The following INTS11 variants were observed in gnomAD, a reference collection of about 807,000 sequenced individuals.
INTS11 encodes the protein CPSF3-like protein.
INTS11 carries 77 observed loss-of-function variants against 78.6 expected under a neutral mutation model. The ratio of observed to expected loss-of-function variants is 0.98; its 90% CI spans 0.81 to 1.18. INTS11 has a LOEUF of 1.18. Ranked by LOEUF, INTS11 falls within the 50% of genes most tolerant of loss-of-function variation. The pLI is 0.00. For synonymous variants in INTS11, 441 were observed against 326.9 expected (o/e 1.35, Z -3.77); for missense variants, 875 against 825.9 (o/e 1.06, Z -0.73).
At chr1:1,322,767 C>G in intron 1 of INTS11, 1 of 498,124 alleles carries the variant, frequency 2.0e-6, no homozygotes, top group Non-Finnish European at 2.6e-6. Flanking sequence ...GGGGTAGCCA[C>G]ACACAGGCCA....
chr1:1,314,725 C>G lies in INTS11; in HGVS notation c.702+99G>C, dbSNP rs994838669. 1.5e-6 allele frequency: 2 copies of G among 1,379,250 alleles called. No homozygotes were observed. The highest frequency in any genetic ancestry group is 2.0e-6 in the Non-Finnish European group (2 of 1,000,008). The allele number at this position is 1,379,250 out of a possible 1,614,324, so 85.4% of individuals were successfully genotyped here. ...CCCTGCCTGAAAATGCAGTACCCCC[C>G]ACCCTGAGACCCTGACCCATGCCAA... On this transcript the variant is annotated intron_variant, in intron 7 of 16. Coordinates refer to ENST00000435064, the MANE Select transcript of INTS11 (RefSeq NM_017871.6). The surrounding 1 kb of genome is among the most constrained non-coding windows in gnomAD (Gnocchi z 4.2).
chr1:1,321,496 A>C (rs1405992390), intron 1 of INTS11, among the ~76,000 whole-genome samples: 2 of 152,312 alleles, frequency 1.3e-5, no homozygotes, highest in East Asian at 3.9e-4. Context: ...CAAACCAATG[A>C]GGCCACCTTC....
chr1:1,323,257 A>T, intron 1 of INTS11: 1 of 1,550,312 alleles, frequency 6.5e-7, no homozygotes, highest in Non-Finnish European at 8.7e-7. Context: ...CGGTGGAAGG[A>T]CCAGGTTCCA....
In INTS11 at chr1:1,312,213, G is replaced by GGGGGGGGGCCGGCCCCC; in HGVS notation, c.1607+12_1607+13insGGGGGCCGGCCCCCCCC. 1.1e-6 allele frequency: 1 copy of GGGGGGGGGCCGGCCCCC among 934,630 alleles called. No individual in the cohort carries two copies. The highest frequency in any genetic ancestry group is 1.6e-6 in the Non-Finnish European group (1 of 636,678). The allele number at this position is 934,630 out of a possible 1,614,324, so 57.9% of individuals were successfully genotyped here. A position where few individuals can be genotyped will look rare whatever the true frequency, so the allele number is the denominator to read the frequency against. On this transcript the variant is annotated intron_variant, in intron 15 of 16. Transcript: ENST00000435064. ...CCCAAGGGAGTGGGGGGGGGGCGGG[G>GGGGGGGGGCCGGCCCCC]CCGGGCGCCCACCTCTTGAGGTGGC...
Position 1,313,715 on chromosome 1 carries a change from C to G in INTS11, c.957+17G>C. The G allele has an allele frequency of 6.2e-7, 1 of 1,610,700 alleles. No individual in the cohort carries two copies. Among genetic ancestry groups the G allele is most frequent in the Non-Finnish European group, 8.5e-7 (1 of 1,178,110 alleles). ...GACGGGTGTGGATGTGCTGGCCGGCCCTGCCGCGGGCCTCACCATCGGTCC... is the reference window on the plus strand; with the variant it reads ...GACGGGTGTGGATGTGCTGGCCGGCGCTGCCGCGGGCCTCACCATCGGTCC... On this transcript the variant is annotated intron_variant, in intron 9 of 16. Transcript: ENST00000435064.
At chr1:1,322,895 G>T in intron 1 of INTS11, 1 of 1,257,012 alleles carries the variant, frequency 8.0e-7, no homozygotes, top group Non-Finnish European at 1.0e-6. Context: ...ATGATACCTT[G>T]GCTGAGGTGA....
At chr1:1,313,275 G>T in intron 10 of INTS11, 151 bp from the exon 11 acceptor site, 1 of 987,070 alleles carries the variant, frequency 1.0e-6, no homozygotes, top group Non-Finnish European at 1.5e-6. Flanking sequence ...AAGGGCTCAG[G>T]TTTTGGCACA....
At chr1:1,322,590 G>T (rs1479889408) in intron 1 of INTS11, among the ~76,000 whole-genome samples, 1 of 110,400 alleles carries the variant, frequency 9.1e-6, no homozygotes, top group African/African-American at 3.7e-5. Context: ...GGGAAGGGAT[G>T]GTCCAGGGGA....
rs1303046842 is a variant in INTS11 at position 1,321,060 on chromosome 1, A to AGGAT, written c.58_61dup (p.Leu21HisfsTer22). ...GACATTCTTGCCCGCAATGGAGACC[A>AGGAT]GGATGCAGCTTCGGCCCACGTCCTG... On this transcript the variant is annotated frameshift_variant, in exon 2 of 17. Coordinates refer to ENST00000435064, the MANE Select transcript of INTS11 (RefSeq NM_017871.6). LOFTEE classifies it high-confidence loss of function. 1 of 1,612,812 alleles carries AGGAT rather than the reference A, an allele frequency of 6.2e-7. No homozygotes were observed. The highest frequency in any genetic ancestry group is 1.1e-5 in the South Asian group (1 of 91,090).
chr1:1,320,338 C>T lies in INTS11; in HGVS notation c.200+118G>A, dbSNP rs1002628981. ...GGGAGCAGATCCTGGGGCCTAGAAG[C>T]CCCCTGAGGATCAAGGATGGCACAG... On this transcript the variant is annotated intron_variant, in intron 3 of 16. Transcript: ENST00000435064. 9 of 898,524 alleles carry T rather than the reference C, an allele frequency of 1.0e-5. No homozygotes were observed. The African/African-American group carries it at 1.2e-4, about 12-fold the overall frequency. The allele number at this position is 898,524 out of a possible 1,614,324, so 55.7% of individuals were successfully genotyped here. A position where few individuals can be genotyped will look rare whatever the true frequency, so the allele number is the denominator to read the frequency against.
chr1:1,316,567 CAA>C, intron 4 of INTS11: 1 of 151,560 alleles, frequency 6.6e-6, no homozygotes, highest in East Asian at 1.9e-4. Context: ...GCCTGGGCAA[CAA>C]GAGCGAGAGT....
intron 13 of INTS11, 33 bp downstream of exon 13, chr1:1,312,560 A>G (rs767350187): frequency 6.3e-7 from 1 of 1,577,848 alleles, no homozygotes; most frequent in Non-Finnish European, 8.6e-7. Flanking sequence ...GCCTGCCCCG[A>G]GCACCCTGCC....
intron 15 of INTS11, 25 bp downstream of exon 15, chr1:1,312,201 G>GGC: frequency 8.2e-7 from 1 of 1,222,478 alleles, no homozygotes; most frequent in South Asian, 1.4e-5. Flanking sequence ...AAGGGAGTGG[G>GGC]GGGGGGGCGG....
At position 1,312,240 on chromosome 1, in the gene INTS11, G is replaced by A; in HGVS notation, c.1593C>T (p.Tyr531=). The A allele has an allele frequency of 1.9e-6, 3 of 1,538,876 alleles. No homozygotes were observed. The highest frequency in any genetic ancestry group is 2.4e-5 in the East Asian group (1 of 41,618). Residue 531 remains tyrosine (Y), a synonymous_variant, in exon 15 of 17, where the codon TAC becomes TAT. Coordinates refer to ENST00000435064, the MANE Select transcript of INTS11 (RefSeq NM_017871.6). ...CGGGCGCCCACCTCTTGAGGTGGCT[G>A]TAGACGCGCAATGCCGTCTCCTGCT... ...RKEQETALRV[Y]SHLKSVLKDH... is the part of the protein sequence containing the mutation.
intron 1 of INTS11, chr1:1,322,113 T>G (rs188288593): frequency 1.9e-6 from 1 of 517,414 alleles, no homozygotes; most frequent in Admixed American, 4.4e-5. Flanking sequence ...CACGCCAGGC[T>G]CACAGAGGCC....
chr1:1,320,136 G>A (rs1196327109), intron 3 of INTS11: 2 of 338,818 alleles, frequency 5.9e-6, no homozygotes, highest in Non-Finnish European at 1.1e-5. Flanking sequence ...GCTGGGGTCA[G>A]GGCAGACTCG....
At chr1:1,312,179 C>A (rs1196142992) in intron 15 of INTS11, 32 bp from the exon 16 acceptor site, 2 of 1,458,206 alleles carry the variant, frequency 1.4e-6, no homozygotes. Context: ...CCCTGCCTGG[C>A]CTCCAGGGCC....
In INTS11 at chr1:1,319,359, G is replaced by A. The variant is rs1642810151; in HGVS notation, c.366C>T (p.Thr122=). The A allele has an allele frequency of 1.9e-6, 3 of 1,613,404 alleles. No homozygotes were observed. Among genetic ancestry groups the A allele is most frequent in the South Asian group, 1.1e-5 (1 of 91,090 alleles). ...TCATGCAGTCTTTGATCATCTGGGAGGTGAAGAAGTTGGCCTCGCCCTTCT... is the reference window on the plus strand; with the variant it reads ...TCATGCAGTCTTTGATCATCTGGGAAGTGAAGAAGTTGGCCTCGCCCTTCT... The part of the protein sequence containing the change: ...VDKKGEANFF[T]SQMIKDCMKK... Residue 122 remains threonine (T), a synonymous_variant, in exon 4 of 17, where the codon ACC becomes ACT. Transcript: ENST00000435064.
intron 10 of INTS11, 123 bp from the exon 11 acceptor site, chr1:1,313,247 G>A: frequency 1.7e-6 from 2 of 1,167,412 alleles, no homozygotes; most frequent in Non-Finnish European, 2.4e-6. Context: ...GCCCGACCAA[G>A]CCTAGCTGCA....
Sources: gnomAD v4.1 joint callset for allele counts (sites outside exome capture counted in the v4.1 genomes callset) on GRCh38, gnomAD v4.1.1 for gene constraint, Gnocchi (gnomAD v3.1) non-coding constraint, MANE v1.5 for transcripts, NCBI Gene and HGNC (gene_info 2026-07-23, HGNC 2026-07-21) for gene names.